Variants in MAP3K2 observed in about 807,000 individuals in gnomAD.
MAP3K2 encodes MAP/ERK kinase kinase 2.
In MAP3K2, 24 loss-of-function variants were observed where a neutral mutation model predicts 80.3. That is an observed-to-expected ratio of 0.30 (90% CI 0.22 to 0.42). The LOEUF is 0.42. MAP3K2 is among the 10% of genes least tolerant of loss of function. The pLI is 1.00. For synonymous variants in MAP3K2, 244 were observed against 253.7 expected (o/e 0.96, Z 0.36); for missense variants, 608 against 750.1 (o/e 0.81, Z 2.21).
rs767830926 is a variant in MAP3K2 at position 127,318,158 on chromosome 2, GT to G, written c.1194+10del. 1.3e-6 allele frequency: 2 copies of G among 1,569,386 alleles called. No individual in the cohort carries two copies. Among genetic ancestry groups the G allele is most frequent in the South Asian group, 2.5e-5 (2 of 81,180 alleles). ...ATAATGTGACAAAGTAATTTGTGCA[GT>G]GATTTTTACCTTGCTGGTCTCAGGA... On this transcript the variant is annotated intron_variant, in intron 13 of 16. Transcript: ENST00000682094.
In MAP3K2 at chr2:127,339,172, A is replaced by C; in HGVS notation, c.5-122T>G. Reference sequence around the variant, plus strand: ...ATGTAGAGAATGTATTAATGCAAAAATGCATCTAGAACATTTTTAATGCCT... The same window carrying C: ...ATGTAGAGAATGTATTAATGCAAAACTGCATCTAGAACATTTTTAATGCCT... On this transcript the variant is annotated intron_variant, in intron 2 of 16. Coordinates refer to ENST00000682094, the MANE Select transcript of MAP3K2 (RefSeq NM_001371910.2). The surrounding 1 kb of genome is among the most constrained non-coding windows in gnomAD (Gnocchi z 4.2). 1 of 617,312 alleles carries C rather than the reference A, an allele frequency of 1.6e-6. No individual in the cohort carries two copies. Among genetic ancestry groups the C allele is most frequent in the Middle Eastern group, 3.4e-4 (1 of 2,948 alleles). The allele number at this position is 617,312 out of a possible 1,614,324, so 38.2% of individuals were successfully genotyped here. A position where few individuals can be genotyped will look rare whatever the true frequency, so the allele number is the denominator to read the frequency against.
At chr2:127,352,984 G>A (rs55926979) in intron 1 of MAP3K2, among the ~76,000 whole-genome samples, 5,173 of 152,254 alleles carry the variant, frequency 0.034, 129 homozygotes, top group Middle Eastern at 0.071. Flanking sequence ...TGCAGATGGA[G>A]TCTCGTTCAC....
chr2:127,375,306 T>C (rs1273563469), intron 1 of MAP3K2, among the ~76,000 whole-genome samples: 2 of 152,144 alleles, frequency 1.3e-5, no homozygotes, highest in Non-Finnish European at 2.9e-5. Flanking sequence ...CCGGACAGGA[T>C]GCTCAAGAAG....
intron 14 of MAP3K2, 71 bp from the exon 15 acceptor site, chr2:127,314,954 A>ACTGATAAAGATT: frequency 1.8e-6 from 2 of 1,124,384 alleles, no homozygotes; most frequent in Non-Finnish European, 2.6e-6. Context: ...TTAAATCTTT[A>ACTGATAAAGATT]TCAGTAAAGA....
At chr2:127,355,184 A>C (rs890690289) in intron 1 of MAP3K2, among the ~76,000 whole-genome samples, 1 of 152,144 alleles carries the variant, frequency 6.6e-6, no homozygotes, top group African/African-American at 2.4e-5. Flanking sequence ...ATAAACCCAT[A>C]GATCCAAAAC....
At position 127,326,836 on chromosome 2, in the gene MAP3K2, T is replaced by A; in HGVS notation, c.467-19A>T. ...GTAGGACCTCAAGGAAGAAAAATAA[T>A]GTAATTTATAATTATAGGCAAGGGA... is the stretch of plus-strand genomic sequence containing the variant. On this transcript the variant is annotated intron_variant, in intron 7 of 16. Coordinates refer to ENST00000682094, the MANE Select transcript of MAP3K2 (RefSeq NM_001371910.2). 2 of 1,503,928 alleles carry A rather than the reference T, an allele frequency of 1.3e-6. No homozygotes were observed. Among genetic ancestry groups the A allele is most frequent in the Non-Finnish European group, 1.8e-6 (2 of 1,117,288 alleles). 93.2% of individuals were successfully genotyped at this position (1,503,928 alleles called of 1,614,324 possible).
intron 11 of MAP3K2, among the ~76,000 whole-genome samples, chr2:127,323,322 C>T (rs1477827171): frequency 1.3e-5 from 2 of 151,626 alleles, no homozygotes; most frequent in East Asian, 3.9e-4. Context: ...TGCCACTGCA[C>T]TCCAGCCTGG....
chr2:127,371,847 C>T (rs546645462), intron 1 of MAP3K2, among the ~76,000 whole-genome samples: 1 of 152,032 alleles, frequency 6.6e-6, no homozygotes, highest in East Asian at 1.9e-4. Flanking sequence ...AAACATTGGG[C>T]AAATCAATGC....
chr2:127,329,897 A>G (rs1425793517), intron 7 of MAP3K2, 24 bp downstream of exon 7: 2 of 1,304,914 alleles, frequency 1.5e-6, no homozygotes, highest in Non-Finnish European at 2.2e-6. Flanking sequence ...CATTCATTTC[A>G]TAATTCAGAC....
chr2:127,371,701 AG>A (rs557733669), intron 1 of MAP3K2, among the ~76,000 whole-genome samples: 192 of 152,298 alleles, frequency 1.3e-3, no homozygotes, highest in Admixed American at 2.9e-3. Flanking sequence ...GGCCTCCTAA[AG>A]TGAAAAGGGA....
At chr2:127,360,368 TAA>T (rs58395927) in intron 1 of MAP3K2, among the ~76,000 whole-genome samples, 59 of 125,134 alleles carry the variant, frequency 4.7e-4, no homozygotes, top group Non-Finnish European at 4.8e-4. Flanking sequence ...ATCACTGGTT[TAA>T]AAAAAAAAAA....
chr2:127,333,966 G>A (rs1315023250), intron 5 of MAP3K2, among the ~76,000 whole-genome samples: 1 of 152,106 alleles, frequency 6.6e-6, no homozygotes, highest in Non-Finnish European at 1.5e-5. Context: ...GGGAGCAGTG[G>A]TGCCTGCCTG....
chr2:127,381,480 C>G (rs1466257193), intron 1 of MAP3K2, among the ~76,000 whole-genome samples: 3 of 152,174 alleles, frequency 2.0e-5, no homozygotes, highest in Admixed American at 2.0e-4. Context: ...AAATCAGATT[C>G]TGATTAACCT....
chr2:127,358,312 T>C (rs538647471), intron 1 of MAP3K2, among the ~76,000 whole-genome samples: 7 of 152,212 alleles, frequency 4.6e-5, no homozygotes, highest in African/African-American at 1.2e-4. Flanking sequence ...GCAACTAAAA[T>C]GCTCATGCAC....
In MAP3K2 at chr2:127,303,531, A is replaced by G. The variant is rs888426778; in HGVS notation, c.*4048T>C. The stretch of plus-strand genomic sequence containing the variant: ...GTGACATTTCCGTTTATAACAGCCA[A>G]TGATTACCTAAAATTGCTTTTCCCT... On this transcript the variant is annotated 3_prime_UTR_variant, in exon 17 of 17. Transcript: ENST00000682094. The G allele has an allele frequency of 5.3e-5, 8 of 152,110 alleles. No homozygotes were observed. Among genetic ancestry groups the G allele is most frequent in the African/African-American group, 1.9e-4 (8 of 41,430 alleles). The allele number at this position is 152,110 out of a possible 1,614,324, so 9.4% of individuals were successfully genotyped here.
intron 2 of MAP3K2, 78 bp downstream of exon 2, chr2:127,343,048 A>G: frequency 9.2e-7 from 1 of 1,083,822 alleles, no homozygotes. Context: ...GTTTATAATA[A>G]CACATAATAG....
chr2:127,353,617 T>TG (rs796902813), intron 1 of MAP3K2, among the ~76,000 whole-genome samples: 235 of 140,578 alleles, frequency 1.7e-3, no homozygotes, highest in Middle Eastern at 0.012. Context: ...GGGAGGGAGG[T>TG]GGGGGGGGTC....
chr2:127,317,258 T>G (rs1393666188), intron 14 of MAP3K2, among the ~76,000 whole-genome samples: 1 of 152,090 alleles, frequency 6.6e-6, no homozygotes, highest in East Asian at 1.9e-4. Context: ...TCTCTACTTC[T>G]TTTTAAGAAT....
At chr2:127,377,042 T>C (rs901610405) in intron 1 of MAP3K2, among the ~76,000 whole-genome samples, 20 of 151,576 alleles carry the variant, frequency 1.3e-4, no homozygotes, top group East Asian at 9.7e-4. Context: ...GCCTGAATGA[T>C]AGAGCGAGAT....
Sources: allele counts gnomAD v4.1 joint callset (sites outside exome capture counted in the v4.1 genomes callset), GRCh38; gene constraint gnomAD v4.1.1; non-coding constraint Gnocchi (gnomAD v3.1); transcripts MANE v1.5; gene names NCBI Gene and HGNC (gene_info 2026-07-23, HGNC 2026-07-21).